SPRY4: variants seen among roughly 807,000 people sequenced by gnomAD.
The protein encoded by SPRY4 is protein sprouty homolog 4.
In SPRY4, 7 loss-of-function variants were observed where a neutral mutation model predicts 17.0. The ratio of observed to expected loss-of-function variants is 0.41; its 90% CI spans 0.23 to 0.77. The LOEUF (loss-of-function observed/expected upper bound fraction) is 0.77, where lower values mean the gene tolerates loss of function less well. SPRY4 is among the 30% of genes least tolerant of loss of function. The pLI, the probability that SPRY4 is intolerant of heterozygous loss-of-function variation, is 0.32. For missense variants in SPRY4, 435 were observed against 419.9 expected, an observed-to-expected ratio of 1.04 and a Z score of -0.31; for synonymous variants, 183 against 174.1, an observed-to-expected ratio of 1.05 and a Z score of -0.40.
intron 1 of SPRY4, chr5:142,317,170 GGA>G: frequency 1.0e-6 from 1 of 985,460 alleles, no homozygotes; most frequent in Non-Finnish European, 1.2e-6. Flanking sequence ...AAGCATCTAT[GGA>G]GAGGAGTTTT....
chr5:142,324,242 G>T (rs191207310), intron 1 of SPRY4: 1 of 152,506 alleles, frequency 6.6e-6, no homozygotes, highest in East Asian at 1.9e-4. Flanking sequence ...GAGGGAGTAG[G>T]AATGCCCAGT....
At position 142,314,840 on chromosome 5, in the gene SPRY4, A is replaced by C; in HGVS notation, c.269T>G (p.Ile90Ser). Reference protein sequence around the residue: ...RCDQDVTHHWISFSGRPSSVS... With the variant: ...RCDQDVTHHWSSFSGRPSSVS... ...AGAGCTGGGGCGCCCGCTGAAGGAG[A>C]TCCAATGGTGGGTGACATCCTGGTC... is the stretch of plus-strand genomic sequence containing the variant. Residue 90 changes from isoleucine (I) to serine (S), a missense_variant, in exon 2 of 2, where the codon ATC becomes AGC. Coordinates refer to ENST00000434127, the MANE Select transcript of SPRY4 (RefSeq NM_001127496.3). This position sits in a 1 kb window ranked among gnomAD's most constrained non-coding sequence, Gnocchi z 4.8. The C allele has an allele frequency of 1.3e-6, 2 of 1,587,892 alleles. No individual in the cohort carries two copies. The highest frequency in any genetic ancestry group is 1.7e-6 in the Non-Finnish European group (2 of 1,164,078).
In SPRY4 at chr5:142,314,355, G is replaced by A. The variant is rs751223130; in HGVS notation, c.754C>T (p.Leu252=). The change falls in exon 2 of 2, where the codon CTG becomes TTG. Residue 252 remains leucine (L), a synonymous_variant. Transcript: ENST00000434127. This position sits in a 1 kb window ranked among gnomAD's most constrained non-coding sequence, Gnocchi z 4.8. The stretch of plus-strand genomic sequence containing the variant: ...AGCTTCACGCAGCCGGTGGCAGGCA[G>A]GTAGCAGAGCAGGCAGGGCAGCACC... ...SVVLPCLLCY[L]PATGCVKLAQ... is the part of the protein sequence containing the mutation. The A allele has an allele frequency of 1.9e-6, 3 of 1,613,950 alleles. No homozygotes were observed. The highest frequency in any genetic ancestry group is 2.5e-6 in the Non-Finnish European group (3 of 1,180,002).
chr5:142,314,117 G>A lies in SPRY4; in HGVS notation c.*92C>T. 2 of 1,380,816 alleles carry A rather than the reference G, an allele frequency of 1.4e-6. No homozygotes were observed. Among genetic ancestry groups the A allele is most frequent in the Non-Finnish European group, 9.7e-7 (1 of 1,030,346 alleles). The allele number at this position is 1,380,816 out of a possible 1,614,324, so 85.5% of individuals were successfully genotyped here. On this transcript the variant is annotated 3_prime_UTR_variant, in exon 2 of 2. Transcript: ENST00000434127. This position sits in a 1 kb window ranked among gnomAD's most constrained non-coding sequence, Gnocchi z 4.8. ...GGCAGACTAGCAAGGTCAGCCTCAGGAGGCTAAAACCTCTGACCTTGCTGC... is the reference window on the plus strand; with the variant it reads ...GGCAGACTAGCAAGGTCAGCCTCAGAAGGCTAAAACCTCTGACCTTGCTGC...
At chr5:142,320,894 A>G (rs1256488564) in intron 1 of SPRY4, among the ~76,000 whole-genome samples, 2 of 152,188 alleles carry the variant, frequency 1.3e-5, no homozygotes, top group African/African-American at 2.4e-5. Flanking sequence ...CTGACAAGGG[A>G]AACCACTCTT....
intron 1 of SPRY4, chr5:142,318,328 A>C (rs1307144043): frequency 2.8e-5 from 8 of 284,122 alleles, no homozygotes; most frequent in Non-Finnish European, 4.2e-5. Context: ...TCTACTAAAA[A>C]TACAAAAATT....
intron 1 of SPRY4, among the ~76,000 whole-genome samples, chr5:142,319,019 A>T (rs1315043241): frequency 6.6e-6 from 1 of 152,208 alleles, no homozygotes; most frequent in Non-Finnish European, 1.5e-5. Flanking sequence ...ATGGAAGCAC[A>T]AAGGGTCATA....
At position 142,314,787 on chromosome 5, in the gene SPRY4, C is replaced by A; in HGVS notation, c.322G>T (p.Asp108Tyr). The A allele has an allele frequency of 6.3e-7, 1 of 1,598,224 alleles. No individual in the cohort carries two copies. Residue 108 changes from aspartate (D) to tyrosine (Y), a missense_variant, in exon 2 of 2, where the codon GAC (aspartate) becomes TAC (tyrosine). By Grantham distance (160) the Asp-to-Tyr change is radical. Transcript: ENST00000434127. This position sits in a 1 kb window ranked among gnomAD's most constrained non-coding sequence, Gnocchi z 4.8. ...SVSSSSSTSS[D>Y]QRLLDHMAPP... ...GCCATGTGGTCTAAGAGCCGTTGGTCAGAGGATGTGCTGCTGCTGCTGCTC... is the reference window on the plus strand; with the variant it reads ...GCCATGTGGTCTAAGAGCCGTTGGTAAGAGGATGTGCTGCTGCTGCTGCTC...
chr5:142,314,470 C>A lies in SPRY4; in HGVS notation c.639G>T (p.Glu213Asp). ...VQGIFYHCTN[E>D]DDEGSCADHP... Reference sequence around the variant, plus strand: ...GGTCAGCGCAGGAGCCCTCATCGTCCTCATTCGTGCAGTGGTAGAAGATGC... The same window carrying A: ...GGTCAGCGCAGGAGCCCTCATCGTCATCATTCGTGCAGTGGTAGAAGATGC... The change falls in exon 2 of 2, where the codon GAG becomes GAT. Residue 213 changes from glutamate to aspartate, a missense_variant. Transcript: ENST00000434127. The surrounding 1 kb of genome is among the most constrained non-coding windows in gnomAD (Gnocchi z 4.8). 1 of 1,614,172 alleles carries A rather than the reference C, an allele frequency of 6.2e-7. No individual in the cohort carries two copies. Among genetic ancestry groups the A allele is most frequent in the Non-Finnish European group, 8.5e-7 (1 of 1,180,026 alleles).
Position 142,314,386 on chromosome 5 carries a change from G to C in SPRY4, c.723C>G (p.Leu241=). Residue 241 remains leucine, a synonymous_variant, in exon 2 of 2, where the codon CTC becomes CTG. Transcript: ENST00000434127. The surrounding 1 kb of genome is among the most constrained non-coding windows in gnomAD (Gnocchi z 4.8). ...AGAGCAGGCAGGGCAGCACCACGGA[G>C]AGAGCACCCATGAAGGACCAGCGGG... The part of the protein sequence containing the change: ...CCARWSFMGA[L]SVVLPCLLCY... The C allele has an allele frequency of 6.2e-7, 1 of 1,614,046 alleles. No individual in the cohort carries two copies. Among genetic ancestry groups the C allele is most frequent in the South Asian group, 1.1e-5 (1 of 91,058 alleles).
chr5:142,323,405 G>A (rs1759417384), intron 1 of SPRY4, among the ~76,000 whole-genome samples: 1 of 152,226 alleles, frequency 6.6e-6, no homozygotes, highest in Non-Finnish European at 1.5e-5. Flanking sequence ...ATGCCACTAG[G>A]TTTGGGCACC....
In SPRY4 at chr5:142,314,908, G is replaced by T. The variant is rs1435152799; in HGVS notation, c.201C>A (p.Thr67=). The T allele has an allele frequency of 6.2e-7, 1 of 1,609,184 alleles. No individual in the cohort carries two copies. Among genetic ancestry groups the T allele is most frequent in the South Asian group, 1.1e-5 (1 of 90,930 alleles). The change falls in exon 2 of 2, where the codon ACC becomes ACA. Residue 67 remains threonine (T), a synonymous_variant. Coordinates refer to ENST00000434127, the MANE Select transcript of SPRY4 (RefSeq NM_001127496.3). The surrounding 1 kb of genome is among the most constrained non-coding windows in gnomAD (Gnocchi z 4.8). ...GGGCCAGCTCTGGGGCCCCGCCCCG[G>T]GTCCGCTTTGGGCCGGTGGTCAGGG... ...SLALTTGPKR[T]RGGAPELAPT...
At position 142,314,646 on chromosome 5, in the gene SPRY4, G is replaced by T; in HGVS notation, c.463C>A (p.His155Asn). The T allele has an allele frequency of 1.2e-6, 2 of 1,614,228 alleles. No homozygotes were observed. Among genetic ancestry groups the T allele is most frequent in the East Asian group, 4.5e-5 (2 of 44,884 alleles). ...CCACAGGCCTCGCACAGCAAGAAGTGCTTGTCCAGCTCGGGTGGGACCGCC... is the reference window on the plus strand; with the variant it reads ...CCACAGGCCTCGCACAGCAAGAAGTTCTTGTCCAGCTCGGGTGGGACCGCC... ...GPAVPPELDK[H>N]FLLCEACGKC... is the part of the protein sequence containing the mutation. Residue 155 changes from histidine to asparagine, a missense_variant, in exon 2 of 2, where the codon CAC (histidine) becomes AAC (asparagine). Physicochemically the swap from His to Asn is moderately conservative, Grantham distance 68 (BLOSUM62 1). Transcript: ENST00000434127. This position sits in a 1 kb window ranked among gnomAD's most constrained non-coding sequence, Gnocchi z 4.8.
intron 1 of SPRY4, among the ~76,000 whole-genome samples, chr5:142,316,544 T>A (rs1759158993): frequency 6.6e-6 from 1 of 152,102 alleles, no homozygotes; most frequent in Non-Finnish European, 1.5e-5. Flanking sequence ...AAGAGAAAGA[T>A]AAGTCTTTAA....
Position 142,315,141 on chromosome 5 carries a change from A to T in SPRY4, c.-33T>A. On this transcript the variant is annotated 5_prime_UTR_variant, in exon 2 of 2. Coordinates refer to ENST00000434127, the MANE Select transcript of SPRY4 (RefSeq NM_001127496.3). ...GAGGTCCTGGACTGTACGGAGAAAC[A>T]GGCTTCTAGGGGCCCTGGGGGTGGG... The T allele has an allele frequency of 6.4e-7, 1 of 1,550,406 alleles. No individual in the cohort carries two copies. The highest frequency in any genetic ancestry group is 8.7e-7 in the Non-Finnish European group (1 of 1,143,082).
intron 1 of SPRY4, among the ~76,000 whole-genome samples, chr5:142,319,295 A>G (rs1180997228): frequency 1.3e-5 from 2 of 152,172 alleles, no homozygotes; most frequent in Non-Finnish European, 2.9e-5. Flanking sequence ...CAGGGAGGGG[A>G]ATTTTCAATG....
In SPRY4 at chr5:142,312,827, C is replaced by G. The variant is rs952975737; in HGVS notation, c.*1382G>C. The G allele has an allele frequency of 6.6e-6, 1 of 152,670 alleles. No homozygotes were observed. Among genetic ancestry groups the G allele is most frequent in the Admixed American group, 6.5e-5 (1 of 15,268 alleles). The allele number at this position is 152,670 out of a possible 1,614,324, so 9.5% of individuals were successfully genotyped here. On this transcript the variant is annotated 3_prime_UTR_variant, in exon 2 of 2. Coordinates refer to ENST00000434127, the MANE Select transcript of SPRY4 (RefSeq NM_001127496.3). Reference sequence around the variant, plus strand: ...GAGTTGCTACGTCTTTGAGGGCTGTCGGGAGAGGGTGGTGTGGCTGTGCAC... The same window carrying G: ...GAGTTGCTACGTCTTTGAGGGCTGTGGGGAGAGGGTGGTGTGGCTGTGCAC...
At position 142,314,198 on chromosome 5, in the gene SPRY4, G is replaced by C; in HGVS notation, c.*11C>G. The C allele has an allele frequency of 6.3e-7, 1 of 1,597,086 alleles. No individual in the cohort carries two copies. The highest frequency in any genetic ancestry group is 8.5e-7 in the Non-Finnish European group (1 of 1,172,850). On this transcript the variant is annotated 3_prime_UTR_variant, in exon 2 of 2. Transcript: ENST00000434127. The surrounding 1 kb of genome is among the most constrained non-coding windows in gnomAD (Gnocchi z 4.8). Reference sequence around the variant, plus strand: ...TTTCCAGGCAGAGCACTGGGGCTTCGACACAAACTGTCAGAAAGGCTTGTC... The same window carrying C: ...TTTCCAGGCAGAGCACTGGGGCTTCCACACAAACTGTCAGAAAGGCTTGTC...
chr5:142,322,806 C>A (rs1759390869), intron 1 of SPRY4, among the ~76,000 whole-genome samples: 1 of 152,220 alleles, frequency 6.6e-6, no homozygotes, highest in African/African-American at 2.4e-5. Context: ...CCACCCTACA[C>A]CCGTACTGGC....
Sources: gnomAD v4.1 joint callset for allele counts (sites outside exome capture counted in the v4.1 genomes callset) on GRCh38, gnomAD v4.1.1 for gene constraint, Gnocchi (gnomAD v3.1) non-coding constraint, MANE v1.5 for transcripts, NCBI Gene and HGNC (gene_info 2026-07-23, HGNC 2026-07-21) for gene names.